The following FGF14 variants were observed in gnomAD, a reference collection of about 807,000 sequenced individuals.
The protein encoded by FGF14 is fibroblast growth factor homologous factor 4.
A neutral mutation model predicts 25.5 loss-of-function variants in FGF14; 5 were observed. The observed-to-expected ratio is 0.20, with a 90% CI of 0.10 to 0.41. The LOEUF is 0.41. FGF14 is among the 10% of genes least tolerant of loss of function. The pLI, the probability that FGF14 is intolerant of heterozygous loss-of-function variation, is 1.00. For missense variants in FGF14, 222 were observed against 320.1 expected, an observed-to-expected ratio of 0.69 and a Z score of 2.34; for synonymous variants, 138 against 118.3, an observed-to-expected ratio of 1.17 and a Z score of -1.08.
At chr13:102,275,857 T>C (rs977409026) in intron 1 of FGF14, among the ~76,000 whole-genome samples, 1 of 152,156 alleles carries the variant, frequency 6.6e-6, no homozygotes, top group Non-Finnish European at 1.5e-5. Context: ...ATGAAACATA[T>C]ATACAAGACA....
At chr13:102,338,806 G>A (rs1405537902) in intron 1 of FGF14, among the ~76,000 whole-genome samples, 1 of 152,018 alleles carries the variant, frequency 6.6e-6, no homozygotes, top group Non-Finnish European at 1.5e-5. Flanking sequence ...TTGAGACTAG[G>A]AGCTCGAGAC....
Position 102,023,647 on chromosome 13 carries a change from C to G in FGF14, c.209-148351G>C, listed in dbSNP as rs553602984. Among the ~76,000 whole-genome samples the G allele has an allele frequency of 4.0e-4, 61 of 152,152 alleles. 1 individual carries two copies. In the South Asian group the frequency reaches 0.012, roughly 29 times the overall value. On this transcript the variant is annotated intron_variant, in intron 1 of 4. Coordinates refer to the FGF14 transcript ENST00000376131. ...ACAACAACTAATCTATGTTCTTTCTCTATGAATTTGCCAATACTGGGCAAT... is the reference window on the plus strand; with the variant it reads ...ACAACAACTAATCTATGTTCTTTCTGTATGAATTTGCCAATACTGGGCAAT...
intron 1 of FGF14, among the ~76,000 whole-genome samples, chr13:101,899,926 A>C (rs1293157245): frequency 6.6e-6 from 1 of 152,178 alleles, no homozygotes; most frequent in East Asian, 1.9e-4. Flanking sequence ...TGTCATACAG[A>C]GAATATTGCA....
intron 1 of FGF14, among the ~76,000 whole-genome samples, chr13:102,161,661 GAAGAAGAAGAA>G (rs2047743180): frequency 1.5e-4 from 4 of 26,276 alleles, no homozygotes; most frequent in African/African-American, 6.3e-4. Flanking sequence ...AGAAGAAGAA[GAAGAAGAAGAA>G]GAAGAAGAAG....
At chr13:102,376,257 A>G (rs1767186580) in intron 1 of FGF14, among the ~76,000 whole-genome samples, 1 of 152,100 alleles carries the variant, frequency 6.6e-6, no homozygotes. Flanking sequence ...CAGTTTCCCT[A>G]CACAAGCTCT....
chr13:102,240,972 C>T (rs537740409), intron 1 of FGF14, among the ~76,000 whole-genome samples: 113 of 152,064 alleles, frequency 7.4e-4, no homozygotes, highest in African/African-American at 2.5e-3. Flanking sequence ...TAAAAATAGG[C>T]AAGGGTTCTG....
chr13:102,340,396 C>T (rs2056912759), intron 1 of FGF14, among the ~76,000 whole-genome samples: 1 of 151,880 alleles, frequency 6.6e-6, no homozygotes, highest in Non-Finnish European at 1.5e-5. Flanking sequence ...TCTAGGATTG[C>T]TAGCTATTCT....
chr13:101,864,591 C>A (rs150129482), intron 3 of FGF14, among the ~76,000 whole-genome samples: 1 of 152,110 alleles, frequency 6.6e-6, no homozygotes, highest in African/African-American at 2.4e-5. Context: ...CGCGTGAGCC[C>A]TAATATTTGC....
At chr13:102,011,378 A>G (rs1401209739) in intron 1 of FGF14, among the ~76,000 whole-genome samples, 1 of 152,248 alleles carries the variant, frequency 6.6e-6, no homozygotes, top group East Asian at 1.9e-4. Context: ...GTCTATTCCT[A>G]ACGCTGCAGG....
chr13:102,050,551 A>G (rs1566621010), intron 1 of FGF14, among the ~76,000 whole-genome samples: 1 of 151,958 alleles, frequency 6.6e-6, no homozygotes, highest in African/African-American at 2.4e-5. Flanking sequence ...ATTGAGAAAC[A>G]AAATTAATTA....
chr13:101,983,594 C>T (rs2038391934), intron 1 of FGF14, among the ~76,000 whole-genome samples: 1 of 152,262 alleles, frequency 6.6e-6, no homozygotes, highest in South Asian at 2.1e-4. Flanking sequence ...AGTTAAATTG[C>T]ATTTTGTGTA....
At chr13:102,188,853 A>G (rs2048975876) in intron 1 of FGF14, among the ~76,000 whole-genome samples, 1 of 151,834 alleles carries the variant, frequency 6.6e-6, no homozygotes, top group Non-Finnish European at 1.5e-5. Context: ...AGGCAGGACA[A>G]TCGCTTGAAC....
At chr13:102,144,242 T>A (rs920621830) in intron 1 of FGF14, among the ~76,000 whole-genome samples, 2 of 152,092 alleles carry the variant, frequency 1.3e-5, no homozygotes, top group Non-Finnish European at 2.9e-5. Context: ...GATTAAAAAA[T>A]TTTTAAAAAT....
At chr13:102,051,967 G>C (rs528152394) in intron 1 of FGF14, among the ~76,000 whole-genome samples, 1 of 152,202 alleles carries the variant, frequency 6.6e-6, no homozygotes, top group Non-Finnish European at 1.5e-5. Context: ...ATTGTTTTAA[G>C]GAAGCTCAAT....
intron 2 of FGF14, among the ~76,000 whole-genome samples, chr13:101,870,479 AATG>A (rs1433247803): frequency 7.2e-5 from 11 of 152,170 alleles, no homozygotes; most frequent in Admixed American, 2.0e-4. Context: ...ACACACTCAG[AATG>A]ATATTTGTAG....
At chr13:101,984,873 G>A (rs1274103791) in intron 1 of FGF14, among the ~76,000 whole-genome samples, 1 of 151,912 alleles carries the variant, frequency 6.6e-6, no homozygotes, top group Non-Finnish European at 1.5e-5. Context: ...TATAGAATCT[G>A]GATAATCAAC....
intron 1 of FGF14, among the ~76,000 whole-genome samples, chr13:101,930,347 C>A (rs1305245209): frequency 2.0e-5 from 3 of 151,954 alleles, no homozygotes; most frequent in African/African-American, 4.9e-5. Context: ...TAATTTCCTG[C>A]ATTAAAATAT....
intron 1 of FGF14, among the ~76,000 whole-genome samples, chr13:102,187,092 G>A (rs1444194817): frequency 6.6e-6 from 1 of 152,154 alleles, no homozygotes. Flanking sequence ...CAACGCCTCG[G>A]TTACATATGG....
At chr13:101,897,531 G>A in intron 1 of FGF14, among the ~76,000 whole-genome samples, 1 of 152,108 alleles carries the variant, frequency 6.6e-6, no homozygotes. Flanking sequence ...TAGCAGCCTG[G>A]AGTAAGAGAT....
Sources: allele counts gnomAD v4.1 joint callset (sites outside exome capture counted in the v4.1 genomes callset), GRCh38; gene constraint gnomAD v4.1.1; transcripts MANE v1.5; gene names NCBI Gene and HGNC (gene_info 2026-07-23, HGNC 2026-07-21).